Variants in SDK1 observed in about 807,000 individuals in gnomAD.
The protein encoded by SDK1 is sidekick cell adhesion molecule 1.
Under a neutral mutation model 245.5 loss-of-function variants are expected in SDK1, and 157 were observed. That is an observed-to-expected ratio of 0.64 (90% CI 0.56 to 0.73). The LOEUF (loss-of-function observed/expected upper bound fraction) is 0.73. SDK1 is among the 30% of genes least tolerant of loss of function. The pLI, the probability that SDK1 is intolerant of heterozygous loss-of-function variation, is 0.00. For missense variants in SDK1, 3,583 were observed against 3,002.3 expected, an observed-to-expected ratio of 1.19 and a Z score of -4.52; for synonymous variants, 1,647 against 1,278.5, an observed-to-expected ratio of 1.29 and a Z score of -6.15.
chr7:3,454,382 C>T (rs1780609162), intron 1 of SDK1, among the ~76,000 whole-genome samples: 2 of 77,956 alleles, frequency 2.6e-5, no homozygotes, highest in African/African-American at 4.3e-5. Flanking sequence ...TCGTGTTCCC[C>T]AAGATTTGTG....
intron 1 of SDK1, among the ~76,000 whole-genome samples, chr7:3,518,044 T>C (rs975929515): frequency 1.3e-5 from 2 of 152,158 alleles, no homozygotes; most frequent in South Asian, 2.1e-4. Context: ...TAGGCCCTTA[T>C]TTTGTCAAAG....
chr7:3,402,533 A>G (rs1362281005), intron 1 of SDK1, among the ~76,000 whole-genome samples: 2 of 152,236 alleles, frequency 1.3e-5, no homozygotes, highest in African/African-American at 2.4e-5. Context: ...TGTGACAACA[A>G]TGCTTTAAAG....
chr7:3,355,657 C>G (rs1780772481), intron 1 of SDK1, among the ~76,000 whole-genome samples: 1 of 152,200 alleles, frequency 6.6e-6, no homozygotes, highest in Non-Finnish European at 1.5e-5. Context: ...ATACCCTCAG[C>G]TTTCCACCGA....
At chr7:3,599,115 T>TTA (rs1562592362) in intron 1 of SDK1, among the ~76,000 whole-genome samples, 1 of 96,808 alleles carries the variant, frequency 1.0e-5, no homozygotes, top group Non-Finnish European at 2.1e-5. Context: ...TTTTTTTTTT[T>TTA]ACATCCTCAC....
At chr7:3,815,730 G>C (rs112225100) in intron 4 of SDK1, among the ~76,000 whole-genome samples, 27,840 of 151,352 alleles carry the variant, frequency 0.18, 2,790 homozygotes, top group Middle Eastern at 0.32. Context: ...GAACTCAGCT[G>C]TGCACCAAGC....
At chr7:3,644,004 G>C (rs973740932) in intron 4 of SDK1, among the ~76,000 whole-genome samples, 1 of 151,190 alleles carries the variant, frequency 6.6e-6, no homozygotes, top group African/African-American at 2.4e-5. Flanking sequence ...CCAGGTTCAA[G>C]CGATTCTCCT....
chr7:3,785,030 G>C (rs1333345851), intron 4 of SDK1, among the ~76,000 whole-genome samples: 2 of 152,224 alleles, frequency 1.3e-5, no homozygotes, highest in Admixed American at 6.5e-5. Flanking sequence ...CCTTAAAAAT[G>C]AAGGAAATGC....
At chr7:3,775,942 A>G (rs1034498881) in intron 4 of SDK1, among the ~76,000 whole-genome samples, 1 of 152,212 alleles carries the variant, frequency 6.6e-6, no homozygotes, top group African/African-American at 2.4e-5. Context: ...GTTGTTTGTG[A>G]CCAGTATTTG....
intron 4 of SDK1, among the ~76,000 whole-genome samples, chr7:3,650,346 A>G (rs549273464): frequency 1.1e-4 from 16 of 152,304 alleles, no homozygotes; most frequent in Admixed American, 7.8e-4. Context: ...CCCGTTAAAC[A>G]TAACTCCCCA....
chr7:4,158,535 G>T lies in SDK1; in HGVS notation c.4713G>T (p.Val1571=). The T allele has an allele frequency of 1.2e-6, 2 of 1,613,342 alleles. No homozygotes were observed. The highest frequency in any genetic ancestry group is 2.2e-5 in the South Asian group (2 of 91,050). ...ACTTCAGTTCAGAGACAGAGGCGGT[G>T]ACCACGCTGCAGGATGGTGAGCAAC... ...DSDFSSETEA[V]TTLQDVPGEP... The change falls in exon 31 of 45, where the codon GTG becomes GTT. Residue 1571 remains valine (V), a synonymous_variant. Transcript: ENST00000404826.
At chr7:3,468,857 T>G (rs2128597699) in intron 1 of SDK1, among the ~76,000 whole-genome samples, 1 of 152,322 alleles carries the variant, frequency 6.6e-6, no homozygotes, top group South Asian at 2.1e-4. Flanking sequence ...TGGGATGCGA[T>G]TTCTCCTATT....
At chr7:3,923,998 C>G (rs946427701) in intron 5 of SDK1, among the ~76,000 whole-genome samples, 2 of 152,074 alleles carry the variant, frequency 1.3e-5, no homozygotes, top group Non-Finnish European at 2.9e-5. Context: ...GAAATGCAGA[C>G]TATTTCCCTA....
chr7:4,078,648 C>G (rs6969310), intron 21 of SDK1, among the ~76,000 whole-genome samples: 1 of 152,242 alleles, frequency 6.6e-6, no homozygotes, highest in East Asian at 1.9e-4. Context: ...ATCCCCTTAT[C>G]TTTCTCTAGA....
intron 44 of SDK1, among the ~76,000 whole-genome samples, chr7:4,264,567 G>GGACCTCTCCTGAGTGGGGAGGCCGCGTA (rs1788325858): frequency 9.5e-6 from 1 of 105,078 alleles, no homozygotes; most frequent in Admixed American, 9.5e-5. Flanking sequence ...GAGGCCGCGT[G>GGACCTCTCCTGAGTGGGGAGGCCGCGTA]GACCTCTCCT....
chr7:4,089,769 G>A (rs1185592056), intron 22 of SDK1, among the ~76,000 whole-genome samples: 2 of 152,214 alleles, frequency 1.3e-5, no homozygotes, highest in African/African-American at 4.8e-5. Context: ...GATTTCAAAA[G>A]TGTTTTAGAA....
At chr7:3,630,534 G>A (rs1175272672) in intron 2 of SDK1, among the ~76,000 whole-genome samples, 1 of 152,172 alleles carries the variant, frequency 6.6e-6, no homozygotes, top group African/African-American at 2.4e-5. Flanking sequence ...TAGTTGGGAG[G>A]TTGAGGCAGG....
At chr7:4,189,610 G>A (rs562115840) in intron 35 of SDK1, among the ~76,000 whole-genome samples, 2 of 152,322 alleles carry the variant, frequency 1.3e-5, no homozygotes, top group South Asian at 2.1e-4. Flanking sequence ...AGCACTTTGA[G>A]AGGCCAAGGC....
rs1362056872 is a variant in SDK1 at position 3,803,312 on chromosome 7, TTTC to T, written c.714-18135_714-18133del. 5.7e-4 allele frequency among the ~76,000 whole-genome samples: 85 copies of T among 149,702 alleles called. 1 individual carries two copies. In the South Asian group the frequency reaches 0.011, roughly 20 times the overall value. ...TTCTTTTCTTTTCTTTCTTTCTTTC[TTTC>T]TTTTTTTTTTTTGGAAACAAAGTCT... On this transcript the variant is annotated intron_variant, in intron 4 of 44. Coordinates refer to ENST00000404826, the MANE Select transcript of SDK1 (RefSeq NM_152744.4).
At chr7:3,491,233 C>G (rs1277126609) in intron 1 of SDK1, among the ~76,000 whole-genome samples, 1 of 152,164 alleles carries the variant, frequency 6.6e-6, no homozygotes, top group Non-Finnish European at 1.5e-5. Flanking sequence ...GCTGAGGAGC[C>G]CATCGTTCCT....
Sources: gnomAD v4.1 joint callset for allele counts (sites outside exome capture counted in the v4.1 genomes callset) on GRCh38, gnomAD v4.1.1 for gene constraint, MANE v1.5 for transcripts, NCBI Gene and HGNC (gene_info 2026-07-23, HGNC 2026-07-21) for gene names.